The following BBC3 variants were observed in gnomAD, a reference collection of about 807,000 sequenced individuals.
BBC3 encodes the protein bcl-2-binding component 3.
BBC3 carries 5 observed loss-of-function variants against 18.2 expected under a neutral mutation model. The ratio of observed to expected loss-of-function variants is 0.27; its 90% CI spans 0.14 to 0.58. The LOEUF (loss-of-function observed/expected upper bound fraction) is 0.58, where lower values mean the gene tolerates loss of function less well. Ranked by LOEUF, BBC3 falls within the 20% of genes least tolerant of loss-of-function variation. The pLI, the probability that BBC3 is intolerant of heterozygous loss-of-function variation, is 0.91. For synonymous variants in BBC3, 119 were observed against 128.0 expected, an observed-to-expected ratio of 0.93 and a Z score of 0.47; for missense variants, 224 against 268.9, an observed-to-expected ratio of 0.83 and a Z score of 1.17.
At chr19:47,232,414 A>C (rs922241295), upstream of BBC3, 37 of 983,452 alleles carry the variant, frequency 3.8e-5, no homozygotes, top group African/African-American at 6.1e-4. Flanking sequence ...ACATAGAAGA[A>C]ACTGACCACC....
At chr19:47,221,940 G>A (rs2058757431) in intron 3 of BBC3, 22 bp from the exon 4 acceptor site, 1 of 1,583,744 alleles carries the variant, frequency 6.3e-7, no homozygotes, top group Admixed American at 1.8e-5. Context: ...AGAGAGAAGG[G>A]GCAGTTAGCA....
rs1240062223 is a variant in BBC3, at chr19:47,221,609, C to T, written c.*193G>A. ...CTTCTTGGCCAGGGACCCAGGAGTC[C>T]GCATCTCCGTCAGTGCACCCCAGGC... On this transcript the variant is annotated 3_prime_UTR_variant, in exon 4 of 4. Transcript: ENST00000439096. 10 of 1,185,456 alleles carry T rather than the reference C, an allele frequency of 8.4e-6. No individual in the cohort carries two copies. Among genetic ancestry groups the T allele is most frequent in the Admixed American group, 2.9e-5 (1 of 34,564 alleles). The allele number at this position is 1,185,456 out of a possible 1,614,324, so 73.4% of individuals were successfully genotyped here.
chr19:47,232,055 T>C (rs983405585), upstream of BBC3, among the ~76,000 whole-genome samples: 212 of 152,232 alleles, frequency 1.4e-3, 2 homozygotes, highest in Non-Finnish European at 2.4e-4. Context: ...ATTAAAACTA[T>C]CAGAAAGTGA....
chr19:47,224,689 T>C (rs979591325), intron 3 of BBC3, among the ~76,000 whole-genome samples: 4 of 151,932 alleles, frequency 2.6e-5, no homozygotes, highest in Non-Finnish European at 5.9e-5. Flanking sequence ...ATAAGGATAC[T>C]ATGTTTATCC....
chr19:47,226,872 G>A (rs770484792), intron 2 of BBC3, 118 bp from the exon 3 acceptor site: 4 of 898,480 alleles, frequency 4.5e-6, no homozygotes, highest in South Asian at 2.3e-5. Context: ...TGATCCCATC[G>A]CTAGTGAGTC....
chr19:47,231,068 C>T lies in BBC3; in HGVS notation c.-155G>A. The T allele has an allele frequency of 7.2e-6, 7 of 966,468 alleles. No homozygotes were observed. The highest frequency in any genetic ancestry group is 8.6e-6 in the Non-Finnish European group (7 of 811,868). 59.9% of individuals were successfully genotyped at this position (966,468 alleles called of 1,614,324 possible). ...GCTGCTGCCGCTCTAACTGCAGTGGCGGCTGCTGTGGCTGTGGCTGCTGCT... is the reference window on the plus strand; with the variant it reads ...GCTGCTGCCGCTCTAACTGCAGTGGTGGCTGCTGTGGCTGTGGCTGCTGCT... On this transcript the variant is annotated 5_prime_UTR_variant, in exon 1 of 4. Transcript: ENST00000439096. This position sits in a 1 kb window ranked among gnomAD's most constrained non-coding sequence, Gnocchi z 4.0.
chr19:47,226,540 G>T, intron 3 of BBC3, 24 bp downstream of exon 3: 1 of 1,501,580 alleles, frequency 6.7e-7, no homozygotes, highest in Non-Finnish European at 8.9e-7. Flanking sequence ...CCCACCTGCC[G>T]TCTACCCCAC....
Position 47,226,729 on chromosome 19 carries a change from C to T in BBC3, c.300G>A (p.Ala100=), listed in dbSNP as rs1473803288. The change falls in exon 3 of 4, where the codon GCG becomes GCA. Residue 100 remains alanine (A), a synonymous_variant. Transcript: ENST00000439096. The part of the protein sequence containing the change: ...PDGPQPSLSL[A]EQHLESPVPS... ...GCACGGGCGACTCCAGGTGCTGCTC[C>T]GCCAGCGAGAGCGAGGGCTGAGGAC... 5.7e-6 allele frequency: 8 copies of T among 1,414,380 alleles called. No individual in the cohort carries two copies. Among genetic ancestry groups the T allele is most frequent in the African/African-American group, 1.5e-5 (1 of 65,848 alleles). The allele number at this position is 1,414,380 out of a possible 1,614,324, so 87.6% of individuals were successfully genotyped here. A position where few individuals can be genotyped will look rare whatever the true frequency, so the allele number is the denominator to read the frequency against.
chr19:47,222,930 C>T (rs1318515541), intron 3 of BBC3, among the ~76,000 whole-genome samples: 3 of 133,698 alleles, frequency 2.2e-5, no homozygotes, highest in Admixed American at 1.7e-4. Context: ...CGTGCCATTG[C>T]ACTCCAGCCT....
At chr19:47,227,501 C>T (rs2058847706) in intron 2 of BBC3, among the ~76,000 whole-genome samples, 1 of 152,180 alleles carries the variant, frequency 6.6e-6, no homozygotes, top group Non-Finnish European at 1.5e-5. Context: ...TCTCTTTCCT[C>T]GCTCCCCTTG....
At chr19:47,226,459 C>G (rs1373601705) in intron 3 of BBC3, 105 bp downstream of exon 3, 1 of 1,185,744 alleles carries the variant, frequency 8.4e-7, no homozygotes, top group African/African-American at 1.6e-5. Flanking sequence ...GCGGAGCGAC[C>G]CAGCCGCGCA....
chr19:47,231,698 C>G (rs1006471355), upstream of BBC3, among the ~76,000 whole-genome samples: 2 of 152,096 alleles, frequency 1.3e-5, no homozygotes, highest in African/African-American at 4.8e-5. This position sits in a 1 kb window ranked among gnomAD's most constrained non-coding sequence, Gnocchi z 4.0. Context: ...CACACCCAGA[C>G]GGAAATGCAC....
Position 47,228,514 on chromosome 19 carries a change from C to T in BBC3, c.-15-68G>A, listed in dbSNP as rs1052204433. On this transcript the variant is annotated intron_variant, in intron 1 of 3. Transcript: ENST00000439096. This position sits in a 1 kb window ranked among gnomAD's most constrained non-coding sequence, Gnocchi z 5.5. ...AGGGCCCACTGTACCTCCAGCCTAC[C>T]CGGGGTTAGGACCCAGATGGAGAAG... The T allele has an allele frequency of 5.7e-6, 7 of 1,217,428 alleles. No homozygotes were observed. Among genetic ancestry groups the T allele is most frequent in the South Asian group, 8.3e-5 (2 of 23,958 alleles). 75.4% of individuals were successfully genotyped at this position (1,217,428 alleles called of 1,614,324 possible).
At chr19:47,232,682 T>C, upstream of BBC3, 1 of 1,335,752 alleles carries the variant, frequency 7.5e-7, no homozygotes, top group Non-Finnish European at 1.0e-6. Context: ...TGGTGAGTTT[T>C]GTCCTTCCTT....
In BBC3 at chr19:47,228,364, C is replaced by A. The variant is rs2058865038; in HGVS notation, c.68G>T (p.Arg23Leu). 1 of 1,230,812 alleles carries A rather than the reference C, an allele frequency of 8.1e-7. No individual in the cohort carries two copies. Among genetic ancestry groups the A allele is most frequent in the South Asian group, 4.1e-5 (1 of 24,342 alleles). 76.2% of individuals were successfully genotyped at this position (1,230,812 alleles called of 1,614,324 possible). Residue 23 changes from arginine (R) to leucine (L), a missense_variant, in exon 2 of 4, where the codon CGC becomes CTC. Arg to Leu is a moderately radical substitution (Grantham distance 102). Transcript: ENST00000439096. This position sits in a 1 kb window ranked among gnomAD's most constrained non-coding sequence, Gnocchi z 5.5. ...CACCAGGCGGCCGAGCGGGAAGGGG[C>A]GCGGGCCGTCGCGGGCCAGGCCCTC... ...PVEGLARDGP[R>L]PFPLGRLVPS...
At chr19:47,222,081 T>G in intron 3 of BBC3, 163 bp from the exon 4 acceptor site, 1 of 600,840 alleles carries the variant, frequency 1.7e-6, no homozygotes, top group Admixed American at 3.5e-5. Context: ...CACATCCTCA[T>G]CCAGGACATG....
At position 47,230,425 on chromosome 19, in the gene BBC3, C is replaced by T. The variant is rs1187183600; in HGVS notation, c.-16+504G>A. On this transcript the variant is annotated intron_variant, in intron 1 of 3. Coordinates refer to ENST00000439096, the MANE Select transcript of BBC3 (RefSeq NM_014417.5). The surrounding 1 kb of genome is among the most constrained non-coding windows in gnomAD (Gnocchi z 6.7). ...GCCCCCCCCACCGCCGCCACGTGCG[C>T]CCGCCCCGCCCGCCAGGCGAGCGCG... Among the ~76,000 whole-genome samples the T allele has an allele frequency of 6.6e-6, 1 of 151,510 alleles. No individual in the cohort carries two copies. Among genetic ancestry groups the T allele is most frequent in the Non-Finnish European group, 1.5e-5 (1 of 67,662 alleles).
chr19:47,230,962 G>A lies in BBC3; in HGVS notation c.-49C>T, dbSNP rs1164364028. The A allele has an allele frequency of 7.1e-6, 7 of 983,980 alleles. No individual in the cohort carries two copies. The highest frequency in any genetic ancestry group is 1.2e-4 in the Admixed American group (2 of 16,280). 61.0% of individuals were successfully genotyped at this position (983,980 alleles called of 1,614,324 possible). A position where few individuals can be genotyped will look rare whatever the true frequency, so the allele number is the denominator to read the frequency against. On this transcript the variant is annotated 5_prime_UTR_variant, in exon 1 of 4. Coordinates refer to ENST00000439096, the MANE Select transcript of BBC3 (RefSeq NM_014417.5). This position sits in a 1 kb window ranked among gnomAD's most constrained non-coding sequence, Gnocchi z 6.7. ...CATGAACACGCCGGAGGGGGCGGCG[G>A]TGGGGGGCGGGCGGCTTCCTTCAGG... is the stretch of plus-strand genomic sequence containing the variant.
At position 47,229,342 on chromosome 19, in the gene BBC3, CAT is replaced by C. The variant is rs778387642; in HGVS notation, c.-15-898_-15-897del. On this transcript the variant is annotated intron_variant, in intron 1 of 3. Coordinates refer to ENST00000439096, the MANE Select transcript of BBC3 (RefSeq NM_014417.5). Reference sequence around the variant, plus strand: ...CATCAACACCCCCAAAACACACCCACATGTCACCAACTCTCAGGACACACGTA... The same window carrying C: ...CATCAACACCCCCAAAACACACCCACGTCACCAACTCTCAGGACACACGTA... Among the ~76,000 whole-genome samples the C allele has an allele frequency of 3.9e-5, 6 of 151,928 alleles. No homozygotes were observed. The East Asian group carries it at 7.7e-4, about 20-fold the overall frequency.
Sources: gnomAD v4.1 joint callset for allele counts (sites outside exome capture counted in the v4.1 genomes callset) on GRCh38, gnomAD v4.1.1 for gene constraint, Gnocchi (gnomAD v3.1) non-coding constraint, MANE v1.5 for transcripts, NCBI Gene and HGNC (gene_info 2026-07-23, HGNC 2026-07-21) for gene names.